The following WASF3 variants were observed in gnomAD, a reference collection of about 807,000 sequenced individuals.
WASF3 encodes WASP family member 3.
WASF3 carries 11 observed loss-of-function variants against 46.6 expected under a neutral mutation model. That is an observed-to-expected ratio of 0.24 (90% CI 0.15 to 0.39). The LOEUF is 0.39. Among genes scored for constraint, WASF3 ranks in the 10% least tolerant of loss-of-function variants. WASF3 has a pLI of 1.00. For missense variants in WASF3, 576 were observed against 669.8 expected, an observed-to-expected ratio of 0.86 and a Z score of 1.55; for synonymous variants, 242 against 259.7, an observed-to-expected ratio of 0.93 and a Z score of 0.65.
rs185144270 is a variant in WASF3, at chr13:26,598,685, G to A, written c.-108-14276G>A. Reference sequence around the variant, plus strand: ...TCGGCAGTTTTCACTCCGAACCCCAGTAAGATCTTGGAGATCTCTTTATGC... The same window carrying A: ...TCGGCAGTTTTCACTCCGAACCCCAATAAGATCTTGGAGATCTCTTTATGC... On this transcript the variant is annotated intron_variant, in intron 1 of 9. Transcript: ENST00000335327. 3.5e-3 allele frequency among the ~76,000 whole-genome samples: 536 copies of A among 152,302 alleles called. 1 individual carries two copies. Among genetic ancestry groups the A allele is most frequent in the African/African-American group, 0.012 (509 of 41,562 alleles).
chr13:26,590,809 C>A (rs1880268916), intron 1 of WASF3, among the ~76,000 whole-genome samples: 1 of 152,122 alleles, frequency 6.6e-6, no homozygotes, highest in African/African-American at 2.4e-5. Context: ...AAAATCCCTG[C>A]CCTCACAAAG....
At chr13:26,601,368 G>A (rs1352473602) in intron 1 of WASF3, among the ~76,000 whole-genome samples, 1 of 149,210 alleles carries the variant, frequency 6.7e-6, no homozygotes, top group African/African-American at 2.5e-5. Flanking sequence ...CTTTGTATGT[G>A]GAGTTCTATA....
chr13:26,565,000 T>C (rs578146498), intron 1 of WASF3, among the ~76,000 whole-genome samples: 2 of 151,238 alleles, frequency 1.3e-5, no homozygotes, highest in East Asian at 1.9e-4. Context: ...TGCAGCTCTT[T>C]GCTGGGGCAT....
intron 1 of WASF3, among the ~76,000 whole-genome samples, chr13:26,579,902 G>A (rs908184690): frequency 6.6e-6 from 1 of 152,204 alleles, no homozygotes; most frequent in Admixed American, 6.5e-5. Context: ...AATCAAGCTT[G>A]TCCAACCTAT....
At chr13:26,586,326 A>G (rs2137176192) in intron 1 of WASF3, among the ~76,000 whole-genome samples, 1 of 152,222 alleles carries the variant, frequency 6.6e-6, no homozygotes, top group Non-Finnish European at 1.5e-5. Context: ...TAAGGGGTAA[A>G]GTGAGGACTC....
chr13:26,582,776 C>T (rs1228294885), intron 1 of WASF3, among the ~76,000 whole-genome samples: 3 of 150,532 alleles, frequency 2.0e-5, no homozygotes, highest in Non-Finnish European at 4.4e-5. Flanking sequence ...AGTACTGTAC[C>T]GAGAATAGAA....
At chr13:26,604,064 G>A (rs542835438) in intron 1 of WASF3, among the ~76,000 whole-genome samples, 12 of 152,174 alleles carry the variant, frequency 7.9e-5, no homozygotes, top group African/African-American at 2.4e-4. Flanking sequence ...CATAGAAGGA[G>A]TGGAGTTTGG....
chr13:26,637,773 G>C (rs910059668), intron 2 of WASF3, among the ~76,000 whole-genome samples: 5 of 152,186 alleles, frequency 3.3e-5, no homozygotes, highest in Admixed American at 1.3e-4. Context: ...GCCATGACCT[G>C]TGCCAGGGAC....
chr13:26,623,940 C>G (rs1183312062), intron 2 of WASF3, among the ~76,000 whole-genome samples: 3 of 152,218 alleles, frequency 2.0e-5, no homozygotes, highest in Non-Finnish European at 2.9e-5. Context: ...CAATAGCAGC[C>G]ATCTCCCTCA....
chr13:26,682,017 G>A lies in WASF3; in HGVS notation c.984-590G>A, dbSNP rs1883247204. Reference sequence around the variant, plus strand: ...TCTCAGAAGTGCTCTCCCTGGCCATGCATGCCAAGTCAGGATCCCCAGAGT... The same window carrying A: ...TCTCAGAAGTGCTCTCCCTGGCCATACATGCCAAGTCAGGATCCCCAGAGT... On this transcript the variant is annotated intron_variant, in intron 8 of 9. Transcript: ENST00000335327. The surrounding 1 kb of genome is among the most constrained non-coding windows in gnomAD (Gnocchi z 4.4). 1.3e-5 allele frequency among the ~76,000 whole-genome samples: 2 copies of A among 152,236 alleles called. No individual in the cohort carries two copies. The highest frequency in any genetic ancestry group is 6.5e-5 in the Admixed American group (1 of 15,290).
chr13:26,654,290 G>A (rs1882405099), intron 3 of WASF3, among the ~76,000 whole-genome samples: 1 of 152,112 alleles, frequency 6.6e-6, no homozygotes, highest in Non-Finnish European at 1.5e-5. Context: ...CAGCCTGGAA[G>A]GTTCTTTCCC....
intron 2 of WASF3, chr13:26,639,900 G>A (rs921764117): frequency 2.6e-5 from 4 of 152,444 alleles, no homozygotes; most frequent in African/African-American, 9.7e-5. Context: ...AGGGGAAGCA[G>A]AGTCAGGATT....
At chr13:26,642,683 A>G (rs1393488572) in intron 3 of WASF3, among the ~76,000 whole-genome samples, 1 of 152,244 alleles carries the variant, frequency 6.6e-6, no homozygotes, top group Non-Finnish European at 1.5e-5. Flanking sequence ...GCTTTTGAAA[A>G]TGAAGATAAT....
At chr13:26,630,991 A>G (rs1299579242) in intron 2 of WASF3, among the ~76,000 whole-genome samples, 1 of 152,066 alleles carries the variant, frequency 6.6e-6, no homozygotes, top group Non-Finnish European at 1.5e-5. Flanking sequence ...TCCTTTGCCT[A>G]CTTTTTGATG....
intron 3 of WASF3, among the ~76,000 whole-genome samples, chr13:26,647,431 A>C (rs1350322763): frequency 6.6e-6 from 1 of 152,070 alleles, no homozygotes; most frequent in Non-Finnish European, 1.5e-5. Context: ...GTTTAGTGTT[A>C]ATTAACATTA....
the WASF3 span, among the ~76,000 whole-genome samples, chr13:26,548,100 G>C: frequency 2.0e-5 from 3 of 152,084 alleles, no homozygotes; most frequent in East Asian, 3.9e-4. Context: ...TCTGGTTTTC[G>C]GATTCTCATA....
rs1879829330 is a variant in WASF3, at chr13:26,577,303, G to C, written c.-109+19484G>C. ...TACTTGCTTTGTCTGTTCTGTGTTG[G>C]TTTTCCTAAAAACAATGTAACAATC... On this transcript the variant is annotated intron_variant, in intron 1 of 9. Coordinates refer to ENST00000335327, the MANE Select transcript of WASF3 (RefSeq NM_006646.6). 4.0e-6 allele frequency: 3 copies of C among 748,122 alleles called. No individual in the cohort carries two copies. In the Admixed American group the frequency reaches 5.3e-5, roughly 13 times the overall value. 46.3% of individuals were successfully genotyped at this position (748,122 alleles called of 1,614,324 possible). A position where few individuals can be genotyped will look rare whatever the true frequency, so the allele number is the denominator to read the frequency against.
At chr13:26,590,818 A>C (rs1880269270) in intron 1 of WASF3, among the ~76,000 whole-genome samples, 1 of 152,206 alleles carries the variant, frequency 6.6e-6, no homozygotes, top group South Asian at 2.1e-4. Context: ...GCCCTCACAA[A>C]GCTGACATTT....
chr13:26,558,866 G>GGA (rs1195275576), intron 1 of WASF3, among the ~76,000 whole-genome samples: 1 of 152,140 alleles, frequency 6.6e-6, no homozygotes, highest in African/African-American at 2.4e-5. Flanking sequence ...TTTATAAGGG[G>GGA]GAGAGGATAG....
Sources: gnomAD v4.1 joint callset for allele counts (sites outside exome capture counted in the v4.1 genomes callset) on GRCh38, gnomAD v4.1.1 for gene constraint, Gnocchi (gnomAD v3.1) non-coding constraint, MANE v1.5 for transcripts, NCBI Gene and HGNC (gene_info 2026-07-23, HGNC 2026-07-21) for gene names.